The following NEXMIF variants were observed in gnomAD, a reference collection of about 807,000 sequenced individuals.
The protein encoded by NEXMIF is neurite extension and migration factor.
In NEXMIF, 8 loss-of-function variants were observed where a neutral mutation model predicts 62.1. The ratio of observed to expected loss-of-function variants is 0.13; its 90% confidence interval spans 0.08 to 0.23. NEXMIF has a LOEUF of 0.23. NEXMIF is among the 10% of genes least tolerant of loss of function. The pLI is 1.00. For synonymous variants in NEXMIF, 404 were observed against 416.6 expected (o/e 0.97, Z 0.37); for missense variants, 976 against 1,113.3 (o/e 0.88, Z 1.75).
intron 1 of NEXMIF, among the ~76,000 whole-genome samples, chrX:74,797,172 C>T (rs543617511): frequency 3.6e-5 from 4 of 111,718 alleles, no homozygotes; most frequent in African/African-American, 1.3e-4. Flanking sequence ...AAAATCTTAA[C>T]GTTATGGAAA....
chrX:74,910,532 G>A (rs1193561803), intron 1 of NEXMIF, among the ~76,000 whole-genome samples: 3 of 111,755 alleles, frequency 2.7e-5, no homozygotes, highest in African/African-American at 9.8e-5. Flanking sequence ...CTTAGATGAG[G>A]CTTTGGACTG....
chrX:74,843,231 C>T (rs2080479595), intron 1 of NEXMIF, among the ~76,000 whole-genome samples: 1 of 111,497 alleles, frequency 9.0e-6, no homozygotes, highest in South Asian at 3.8e-4. Context: ...ATGTAATGCT[C>T]TTAGGCTTTT....
chrX:74,818,323 C>A (rs1400736656), intron 1 of NEXMIF, among the ~76,000 whole-genome samples: 1 of 110,919 alleles, frequency 9.0e-6, no homozygotes, highest in Non-Finnish European at 1.9e-5. Flanking sequence ...AAGCCGCACA[C>A]CTACAACCAT....
intron 1 of NEXMIF, among the ~76,000 whole-genome samples, chrX:74,837,635 A>AT (rs1212956910): frequency 1.8e-5 from 2 of 111,858 alleles, no homozygotes. Flanking sequence ...CCATTTCTGC[A>AT]TTTTTTCCAA....
chrX:74,914,544 G>T (rs1249753605), intron 1 of NEXMIF, among the ~76,000 whole-genome samples: 1 of 111,357 alleles, frequency 9.0e-6, no homozygotes, highest in Non-Finnish European at 1.9e-5. Flanking sequence ...GACCAGGCAT[G>T]GTGGCATGCG....
At position 74,864,711 on chromosome X, in the gene NEXMIF, C is replaced by CT. The variant is rs780117195; in HGVS notation, c.-48+60171dup. On this transcript the variant is annotated intron_variant, in intron 1 of 3. Coordinates refer to ENST00000055682, the MANE Select transcript of NEXMIF (RefSeq NM_001008537.3). ...ATAAATTACCCAGTCTCAGGTATTT[C>CT]TTTTTTTTTTTTCTGAGATGGAGTT... 4.7e-3 allele frequency among the ~76,000 whole-genome samples: 496 copies of CT among 105,017 alleles called. 1 individual carries two copies. Among genetic ancestry groups the CT allele is most frequent in the Middle Eastern group, 0.02 (4 of 205 alleles). The allele number at this position is 105,017 out of a possible 115,157, so 91.2% of individuals were successfully genotyped here. A position where few individuals can be genotyped will look rare whatever the true frequency, so the allele number is the denominator to read the frequency against.
chrX:74,819,865 C>T (rs2080388877), intron 1 of NEXMIF, among the ~76,000 whole-genome samples: 2 of 111,927 alleles, frequency 1.8e-5, no homozygotes, highest in Admixed American at 1.9e-4. Flanking sequence ...ATAAATCATG[C>T]TACTATAAAG....
At chrX:74,809,224 T>TA (rs1018045024) in intron 1 of NEXMIF, among the ~76,000 whole-genome samples, 16 of 110,334 alleles carry the variant, frequency 1.5e-4, no homozygotes, top group East Asian at 8.4e-4. Context: ...AAACACTGCT[T>TA]AAAAAAAAAT....
At chrX:74,840,560 AT>A (rs1215223021) in intron 1 of NEXMIF, among the ~76,000 whole-genome samples, 1 of 111,967 alleles carries the variant, frequency 8.9e-6, no homozygotes, top group African/African-American at 3.2e-5. Context: ...ATCTTTGGCC[AT>A]TCCTATGTCT....
chrX:74,740,945 G>A lies in NEXMIF; in HGVS notation c.3612C>T (p.Asn1204=), dbSNP rs781687557. 9 of 1,211,722 alleles carry A rather than the reference G, an allele frequency of 7.4e-6. No individual in the cohort carries two copies. The South Asian group carries it at 1.6e-4, about 21-fold the overall frequency. ...CAGGTGGTTTTTCAATCCCCTTGTT[G>A]TTACCTTTGAGGGATTTTTTCCTGG... is the stretch of plus-strand genomic sequence containing the variant. The part of the protein sequence containing the change: ...KNTRKKSLKG[N]NKGIEKPPGK... Residue 1204 remains asparagine (N), a synonymous_variant, in exon 3 of 4, where the codon AAC becomes AAT. Transcript: ENST00000055682.
In NEXMIF at chrX:74,736,737, T is replaced by G. The variant is rs2080086131; in HGVS notation, c.*2668A>C. ...CTATTGCTCATTTCTCAAACTCTGT[T>G]TCTTTTTATGTTTCAGTACAAAGTG... is the stretch of plus-strand genomic sequence containing the variant. On this transcript the variant is annotated 3_prime_UTR_variant, in exon 4 of 4. Coordinates refer to ENST00000055682, the MANE Select transcript of NEXMIF (RefSeq NM_001008537.3). The G allele has an allele frequency of 8.9e-6, 1 of 112,298 alleles. No homozygotes were observed. 9.3% of individuals were successfully genotyped at this position (112,298 alleles called of 1,213,427 possible).
intron 1 of NEXMIF, among the ~76,000 whole-genome samples, chrX:74,924,621 C>G (rs2147379873): frequency 8.8e-6 from 1 of 113,773 alleles, no homozygotes; most frequent in South Asian, 3.5e-4. Context: ...CCCCCGCAAC[C>G]CCCTTCCTAC....
At chrX:74,766,505 G>C (rs1453390148) in intron 1 of NEXMIF, among the ~76,000 whole-genome samples, 3 of 111,539 alleles carry the variant, frequency 2.7e-5, no homozygotes, top group Non-Finnish European at 5.6e-5. Flanking sequence ...TCTTTCCTCA[G>C]CTTGGTCTAT....
Position 74,805,624 on chromosome X carries a change from T to C in NEXMIF, c.-47-59927A>G, listed in dbSNP as rs2080342671. ...TGGGTTTTTCCTAGGTTTTCTTCTA[T>C]GATTTTTGTAGTTTGAGATCTTGAG... On this transcript the variant is annotated intron_variant, in intron 1 of 3. Coordinates refer to ENST00000055682, the MANE Select transcript of NEXMIF (RefSeq NM_001008537.3). 3.6e-5 allele frequency among the ~76,000 whole-genome samples: 4 copies of C among 112,002 alleles called. No homozygotes were observed. In the South Asian group the frequency reaches 1.5e-3, roughly 41 times the overall value.
chrX:74,813,074 A>G (rs1468817967), intron 1 of NEXMIF, among the ~76,000 whole-genome samples: 1 of 112,042 alleles, frequency 8.9e-6, no homozygotes, highest in Non-Finnish European at 1.9e-5. Flanking sequence ...CAGGCACAAA[A>G]TTCCTAGGGA....
intron 1 of NEXMIF, among the ~76,000 whole-genome samples, chrX:74,791,500 T>C (rs1321156154): frequency 9.0e-6 from 1 of 111,350 alleles, no homozygotes; most frequent in African/African-American, 3.3e-5. Flanking sequence ...ATAAAATGAG[T>C]TAGGGAGGAT....
intron 1 of NEXMIF, among the ~76,000 whole-genome samples, chrX:74,856,162 G>T (rs781538376): frequency 2.6e-4 from 29 of 111,812 alleles, no homozygotes; most frequent in Non-Finnish European, 3.6e-4. Flanking sequence ...TAAACTGAAA[G>T]AAACCATGTC....
intron 1 of NEXMIF, among the ~76,000 whole-genome samples, chrX:74,769,170 T>G (rs1206916363): frequency 9.0e-6 from 1 of 110,531 alleles, no homozygotes; most frequent in Non-Finnish European, 1.9e-5. Flanking sequence ...CCTAGGAAGA[T>G]GAGGGTTCAT....
intron 1 of NEXMIF, among the ~76,000 whole-genome samples, chrX:74,814,277 T>G (rs145885225): frequency 3.6e-4 from 40 of 111,927 alleles, no homozygotes; most frequent in Middle Eastern, 9.2e-3. Flanking sequence ...GATCCTCTCA[T>G]TTTAAAGATA....
Sources: gnomAD v4.1 joint callset for allele counts (sites outside exome capture counted in the v4.1 genomes callset) on GRCh38, gnomAD v4.1.1 for gene constraint, MANE v1.5 for transcripts, NCBI Gene and HGNC (gene_info 2026-07-23, HGNC 2026-07-21) for gene names.